VAV2: variants seen among roughly 807,000 people sequenced by gnomAD.
VAV2 encodes guanine nucleotide exchange factor VAV2.
VAV2 carries 67 observed loss-of-function variants against 132.5 expected under a neutral mutation model. The ratio of observed to expected loss-of-function variants is 0.51; its 90% confidence interval spans 0.42 to 0.62. The LOEUF (loss-of-function observed/expected upper bound fraction) is 0.62. Among genes scored for constraint, VAV2 ranks in the 20% least tolerant of loss-of-function variants. The pLI, the probability that VAV2 is intolerant of heterozygous loss-of-function variation, is 0.00. For synonymous variants in VAV2, 492 were observed against 443.5 expected (o/e 1.11, Z -1.37); for missense variants, 938 against 1,153.6 (o/e 0.81, Z 2.71).
Position 133,768,688 on chromosome 9 carries a change from G to C in VAV2, c.2435-92C>G, listed in dbSNP as rs1588150568. On this transcript the variant is annotated intron_variant, in intron 28 of 29. Transcript: ENST00000371850. The surrounding 1 kb of genome is among the most constrained non-coding windows in gnomAD (Gnocchi z 5.3). ...TTGGGCCAAGCTGGGTCTCTCCCCT[G>C]GTGCCCAGAACCCTGCTCTGTACCC... 3 of 1,479,450 alleles carry C rather than the reference G, an allele frequency of 2.0e-6. No individual in the cohort carries two copies. The highest frequency in any genetic ancestry group is 2.4e-5 in the East Asian group (1 of 40,948). 91.6% of individuals were successfully genotyped at this position (1,479,450 alleles called of 1,614,324 possible).
chr9:133,851,632 G>A (rs1837170690), intron 3 of VAV2, among the ~76,000 whole-genome samples: 1 of 152,218 alleles, frequency 6.6e-6, no homozygotes, highest in African/African-American at 2.4e-5. Context: ...TTATATTCAT[G>A]TGAAATAGGG....
chr9:133,984,557 G>A (rs1408677840), intron 1 of VAV2, among the ~76,000 whole-genome samples: 6 of 152,162 alleles, frequency 3.9e-5, no homozygotes, highest in Non-Finnish European at 5.9e-5. Context: ...AGGCTGCAGT[G>A]AGCCATGATC....
At chr9:133,917,824 T>C (rs1375167597) in intron 2 of VAV2, among the ~76,000 whole-genome samples, 5 of 152,154 alleles carry the variant, frequency 3.3e-5, no homozygotes, top group Non-Finnish European at 5.9e-5. Context: ...CAGAAAAGGC[T>C]AGCTGGACCC....
chr9:133,979,647 G>A (rs574993540), intron 1 of VAV2, among the ~76,000 whole-genome samples: 16 of 152,328 alleles, frequency 1.1e-4, no homozygotes, highest in African/African-American at 2.9e-4. Flanking sequence ...GCCCGGCCCC[G>A]CCTCCGGCCA....
chr9:133,845,322 A>C (rs1161443505), intron 3 of VAV2, among the ~76,000 whole-genome samples: 1 of 152,216 alleles, frequency 6.6e-6, no homozygotes, highest in Non-Finnish European at 1.5e-5. Context: ...GCCCAAGGCA[A>C]CAAGTTTAAA....
chr9:133,968,977 A>G (rs1330044625), intron 1 of VAV2, among the ~76,000 whole-genome samples: 4 of 152,136 alleles, frequency 2.6e-5, no homozygotes, highest in African/African-American at 9.7e-5. Flanking sequence ...AATCTAAGGC[A>G]GTGCCCTTTT....
chr9:133,889,768 T>A (rs1287549326), intron 2 of VAV2, among the ~76,000 whole-genome samples: 3 of 139,914 alleles, frequency 2.1e-5, no homozygotes, highest in African/African-American at 7.7e-5. Context: ...ACACAAAAAA[T>A]TTTTTTCTTC....
At position 133,785,879 on chromosome 9, in the gene VAV2, A is replaced by AGGACCACTGCAGGGGGGAGAG; in HGVS notation, c.1423-15_1428dup (p.Ser476_Tyr477insLeuSerProLeuGlnTrpSer). ...TGAAGGTGAATTAGGTAGAAGCCGT[A>AGGACCACTGCAGGGGGGAGAG]GGACCACTGCAGGGGGGAGAGGGGC... On this transcript the variant is annotated inframe_insertion, in exon 17 of 30. Coordinates refer to ENST00000371850, the MANE Select transcript of VAV2 (RefSeq NM_001134398.2). The AGGACCACTGCAGGGGGGAGAG allele has an allele frequency of 6.2e-7, 1 of 1,613,318 alleles. No homozygotes were observed. Among genetic ancestry groups the AGGACCACTGCAGGGGGGAGAG allele is most frequent in the African/African-American group, 1.3e-5 (1 of 75,046 alleles).
At chr9:133,809,910 G>A (rs528700684) in intron 6 of VAV2, among the ~76,000 whole-genome samples, 7 of 152,324 alleles carry the variant, frequency 4.6e-5, no homozygotes, top group South Asian at 2.1e-4. Flanking sequence ...GACCCACAGC[G>A]CTCGTGTCGG....
chr9:133,939,073 C>T (rs780988699), intron 2 of VAV2, 30 bp downstream of exon 2: 48 of 1,601,996 alleles, frequency 3.0e-5, no homozygotes, highest in South Asian at 6.6e-5. Flanking sequence ...CACAGCTGAG[C>T]GACCGAGGCT....
At chr9:133,799,701 C>CAT in intron 9 of VAV2, among the ~76,000 whole-genome samples, 1 of 152,270 alleles carries the variant, frequency 6.6e-6, no homozygotes, top group Non-Finnish European at 1.5e-5. Context: ...TCTGTTATTA[C>CAT]ACTGATCATT....
chr9:133,771,980 G>C lies in VAV2; in HGVS notation c.2202C>G (p.Ala734=), dbSNP rs772862738. 1.2e-6 allele frequency: 2 copies of C among 1,605,420 alleles called. No homozygotes were observed. The highest frequency in any genetic ancestry group is 1.7e-5 in the Admixed American group (1 of 59,182). Residue 734 remains alanine, a synonymous_variant, in exon 26 of 30, where the codon GCC becomes GCG. Coordinates refer to ENST00000371850, the MANE Select transcript of VAV2 (RefSeq NM_001134398.2). The stretch of plus-strand genomic sequence containing the variant: ...CTACCAGGAGGCTGTCGAATTTCTT[G>C]GCCTCTGTGATGTGGATCCAGTTGT... The part of the protein sequence containing the change: ...EKDNWIHITE[A]KKFDSLLELV...
chr9:133,904,181 A>G (rs1170311372), intron 2 of VAV2, among the ~76,000 whole-genome samples: 1 of 152,196 alleles, frequency 6.6e-6, no homozygotes, highest in African/African-American at 2.4e-5. Flanking sequence ...CTCCAGCCCA[A>G]GCGCCAGGCT....
intron 2 of VAV2, among the ~76,000 whole-genome samples, chr9:133,932,364 A>G (rs1840718012): frequency 6.6e-6 from 1 of 152,220 alleles, no homozygotes; most frequent in Non-Finnish European, 1.5e-5. Context: ...ACTCGGCCCC[A>G]GCACGCCCAC....
intron 2 of VAV2, among the ~76,000 whole-genome samples, chr9:133,894,470 C>T (rs999233306): frequency 5.3e-5 from 8 of 152,220 alleles, no homozygotes; most frequent in Non-Finnish European, 7.3e-5. Context: ...ACCGCCTTTA[C>T]GCCCTCTGAG....
chr9:133,790,212 C>A (rs915203077), intron 13 of VAV2, among the ~76,000 whole-genome samples: 2 of 152,156 alleles, frequency 1.3e-5, no homozygotes, highest in Admixed American at 1.3e-4. Flanking sequence ...AGTCTCACTA[C>A]GTCACCCAGG....
At chr9:133,909,676 G>T (rs996630358) in intron 2 of VAV2, among the ~76,000 whole-genome samples, 7 of 152,148 alleles carry the variant, frequency 4.6e-5, no homozygotes, top group Non-Finnish European at 1.0e-4. Context: ...GGGCAAAGAG[G>T]GGGAGACAGC....
chr9:133,967,034 C>CCAA (rs1554819673), intron 1 of VAV2, among the ~76,000 whole-genome samples: 1 of 106,186 alleles, frequency 9.4e-6, no homozygotes. Context: ...GACTTTGTCT[C>CCAA]AAAAAAAAAA....
rs552171596 is a variant in VAV2, at chr9:133,768,972, C to T, written c.2435-376G>A. ...AGGTGACAATGACCATGGCTGAGGG[C>T]GAAACACACACAGCTGCTGGGAAGG... is the stretch of plus-strand genomic sequence containing the variant. On this transcript the variant is annotated intron_variant, in intron 28 of 29. Coordinates refer to ENST00000371850, the MANE Select transcript of VAV2 (RefSeq NM_001134398.2). The surrounding 1 kb of genome is among the most constrained non-coding windows in gnomAD (Gnocchi z 5.3). 5.9e-5 allele frequency among the ~76,000 whole-genome samples: 9 copies of T among 152,110 alleles called. No individual in the cohort carries two copies. Among genetic ancestry groups the T allele is most frequent in the African/African-American group, 1.9e-4 (8 of 41,410 alleles).
Sources: allele counts gnomAD v4.1 joint callset (sites outside exome capture counted in the v4.1 genomes callset), GRCh38; gene constraint gnomAD v4.1.1; non-coding constraint Gnocchi (gnomAD v3.1); transcripts MANE v1.5; gene names NCBI Gene and HGNC (gene_info 2026-07-23, HGNC 2026-07-21).